Variants in COL22A1 observed in about 807,000 individuals in gnomAD.
The protein encoded by COL22A1 is collagen type XXII alpha 1 chain.
In COL22A1, 221 loss-of-function variants were observed where a neutral mutation model predicts 248.9. The ratio of observed to expected loss-of-function variants is 0.89; its 90% CI spans 0.80 to 0.99. The LOEUF is 0.99. Ranked by LOEUF, COL22A1 falls within the 50% of genes least tolerant of loss-of-function variation. COL22A1 has a pLI of 0.00. For synonymous variants in COL22A1, 891 were observed against 793.4 expected, an observed-to-expected ratio of 1.12 and a Z score of -2.07; for missense variants, 2,240 against 2,179.0, an observed-to-expected ratio of 1.03 and a Z score of -0.56.
intron 42 of COL22A1, among the ~76,000 whole-genome samples, chr8:138,662,497 A>T (rs1824054730): frequency 6.6e-6 from 1 of 152,196 alleles, no homozygotes; most frequent in African/African-American, 2.4e-5. Context: ...CACAACACTC[A>T]GCATATGCCT....
chr8:138,796,872 G>A lies in COL22A1; in HGVS notation c.1558-15C>T, dbSNP rs374024194. ...GGTCCTATGCCCTAGAAAAATGAAA[G>A]AAGGCAAAGATTCACTACAGAGCAT... On this transcript the variant is annotated splice_polypyrimidine_tract_variant and intron_variant, in intron 11 of 64. Coordinates refer to ENST00000303045, the MANE Select transcript of COL22A1 (RefSeq NM_152888.3). The A allele has an allele frequency of 1.0e-5, 16 of 1,558,276 alleles. No individual in the cohort carries two copies. In the African/African-American group the frequency reaches 2.2e-4, roughly 21 times the overall value.
chr8:138,793,528 C>T (rs1260578101), intron 12 of COL22A1, among the ~76,000 whole-genome samples: 2 of 152,170 alleles, frequency 1.3e-5, no homozygotes, highest in African/African-American at 4.8e-5. Flanking sequence ...TAATATGTGG[C>T]GGAATCTAGA....
Position 138,694,577 on chromosome 8 carries a change from T to G in COL22A1, c.2647-16A>C. On this transcript the variant is annotated splice_polypyrimidine_tract_variant and intron_variant, in intron 33 of 64. Transcript: ENST00000303045. The stretch of plus-strand genomic sequence containing the variant: ...CCTGCAGTCCCTGTAAGCACACAAG[T>G]TGCCATGAACCAGCTCATCCTCCTG... 6.2e-7 allele frequency: 1 copy of G among 1,613,642 alleles called. No homozygotes were observed. Among genetic ancestry groups the G allele is most frequent in the Non-Finnish European group, 8.5e-7 (1 of 1,179,728 alleles).
chr8:138,753,552 A>T (rs963979483), intron 21 of COL22A1, among the ~76,000 whole-genome samples: 2 of 152,224 alleles, frequency 1.3e-5, no homozygotes, highest in Non-Finnish European at 2.9e-5. Flanking sequence ...GTCCTGTCTA[A>T]TGGACCCTAG....
intron 41 of COL22A1, among the ~76,000 whole-genome samples, chr8:138,675,964 C>T (rs1015717792): frequency 6.6e-6 from 1 of 152,014 alleles, no homozygotes; most frequent in African/African-American, 2.4e-5. Flanking sequence ...AGGTGGAGGC[C>T]GAAGATATTG....
At chr8:138,867,542 C>T (rs1822991661) in intron 3 of COL22A1, among the ~76,000 whole-genome samples, 1 of 152,158 alleles carries the variant, frequency 6.6e-6, no homozygotes, top group Non-Finnish European at 1.5e-5. Context: ...AACCGAGGCT[C>T]AGAGAGGTGA....
chr8:138,733,036 G>A (rs1310428791), intron 23 of COL22A1, among the ~76,000 whole-genome samples: 1 of 152,194 alleles, frequency 6.6e-6, no homozygotes, highest in East Asian at 1.9e-4. Flanking sequence ...TGAGATGGTA[G>A]ATCCCTGTGG....
At chr8:138,606,983 A>C (rs563472968) in intron 57 of COL22A1, among the ~76,000 whole-genome samples, 15 of 152,286 alleles carry the variant, frequency 9.8e-5, no homozygotes, top group African/African-American at 3.4e-4. Context: ...ACAAGCAGCA[A>C]CAGGTCCCAT....
At chr8:138,660,298 C>A in intron 44 of COL22A1, 138 bp downstream of exon 44, 1 of 688,686 alleles carries the variant, frequency 1.5e-6, no homozygotes, top group East Asian at 2.7e-5. Context: ...TCACAACATC[C>A]CATATTAGTT....
At chr8:138,674,791 T>A (rs1825374208) in intron 41 of COL22A1, among the ~76,000 whole-genome samples, 1 of 152,108 alleles carries the variant, frequency 6.6e-6, no homozygotes. Flanking sequence ...TTCTCTATGC[T>A]AAGGAGCGAG....
intron 51 of COL22A1, among the ~76,000 whole-genome samples, chr8:138,624,206 G>A (rs1820066835): frequency 6.6e-6 from 1 of 152,146 alleles, no homozygotes; most frequent in Non-Finnish European, 1.5e-5. Context: ...TAACACGCAG[G>A]AAGGTACTCA....
rs1051744139 is a variant in COL22A1 at position 138,607,971 on chromosome 8, C to T, written c.3997G>A (p.Gly1333Arg). The stretch of plus-strand genomic sequence containing the variant: ...GAAGGGCCAGGCTCTCCTGGAGATC[C>T]CGGTGATCCATTCTTGCCCTGGTGG... ...RGPPGKNGSP[G>R]SPGEPGPSGT... The change falls in exon 57 of 65, where the codon GGA (glycine) becomes AGA (arginine). Residue 1333 changes from glycine (G) to arginine (R), a missense_variant. Transcript: ENST00000303045. The T allele has an allele frequency of 6.2e-7, 1 of 1,613,944 alleles. No homozygotes were observed. Among genetic ancestry groups the T allele is most frequent in the African/African-American group, 1.3e-5 (1 of 74,920 alleles).
At chr8:138,779,765 A>AT (rs890570821) in intron 13 of COL22A1, among the ~76,000 whole-genome samples, 16 of 151,688 alleles carry the variant, frequency 1.1e-4, no homozygotes, top group South Asian at 4.2e-4. Context: ...TGCACACAGT[A>AT]TTTTTTTTTC....
At chr8:138,766,727 CAGA>C (rs1348228462) in intron 16 of COL22A1, among the ~76,000 whole-genome samples, 1 of 152,068 alleles carries the variant, frequency 6.6e-6, no homozygotes, top group Non-Finnish European at 1.5e-5. Context: ...GGGAGAGAGA[CAGA>C]AGATGTGGCA....
chr8:138,635,526 T>A (rs2132026750), intron 48 of COL22A1, among the ~76,000 whole-genome samples: 1 of 152,326 alleles, frequency 6.6e-6, no homozygotes, highest in African/African-American at 2.4e-5. Context: ...ACAGCCTCCA[T>A]ATTCTGGCAA....
At chr8:138,850,267 CCCAGAT>C (rs1821532474) in intron 3 of COL22A1, among the ~76,000 whole-genome samples, 1 of 152,206 alleles carries the variant, frequency 6.6e-6, no homozygotes, top group African/African-American at 2.4e-5. Flanking sequence ...ATCCACATCT[CCCAGAT>C]CCTTTAGGCA....
chr8:138,683,438 C>T (rs1334289046), intron 39 of COL22A1, among the ~76,000 whole-genome samples: 2 of 152,070 alleles, frequency 1.3e-5, no homozygotes, highest in Non-Finnish European at 2.9e-5. Flanking sequence ...GTGGGTGCAA[C>T]TGAATTGAGG....
At chr8:138,761,626 A>G (rs1482495600) in intron 17 of COL22A1, among the ~76,000 whole-genome samples, 3 of 152,006 alleles carry the variant, frequency 2.0e-5, no homozygotes, top group African/African-American at 7.2e-5. Flanking sequence ...CAATAAATAT[A>G]TTAATTGATG....
chr8:138,706,785 G>A (rs1031994152), intron 30 of COL22A1, among the ~76,000 whole-genome samples: 6 of 152,066 alleles, frequency 3.9e-5, no homozygotes, highest in African/African-American at 1.4e-4. Flanking sequence ...AATAACTAAG[G>A]TCAGAGCAGA....
Sources: allele counts gnomAD v4.1 joint callset (sites outside exome capture counted in the v4.1 genomes callset), GRCh38; gene constraint gnomAD v4.1.1; transcripts MANE v1.5; gene names NCBI Gene and HGNC (gene_info 2026-07-23, HGNC 2026-07-21).